Variants in TOM1L2 observed in about 807,000 individuals in gnomAD.
The protein encoded by TOM1L2 is TOM1-like protein 2.
TOM1L2 carries 31 observed loss-of-function variants against 67.9 expected under a neutral mutation model. That is an observed-to-expected ratio of 0.46 (90% CI 0.34 to 0.62). The LOEUF (loss-of-function observed/expected upper bound fraction) is 0.62. TOM1L2 is among the 20% of genes least tolerant of loss of function. The pLI, the probability that TOM1L2 is intolerant of heterozygous loss-of-function variation, is 0.01. For missense variants in TOM1L2, 606 were observed against 663.5 expected, an observed-to-expected ratio of 0.91 and a Z score of 0.95; for synonymous variants, 256 against 254.0, an observed-to-expected ratio of 1.01 and a Z score of -0.07.
chr17:17,904,958 G>C (rs1439640761), intron 2 of TOM1L2, among the ~76,000 whole-genome samples: 2 of 152,180 alleles, frequency 1.3e-5, no homozygotes, highest in Non-Finnish European at 2.9e-5. Context: ...TCAAGGGCAG[G>C]CTGGAACATT....
intron 2 of TOM1L2, among the ~76,000 whole-genome samples, chr17:17,900,728 T>A (rs1206760915): frequency 1.3e-5 from 2 of 152,184 alleles, no homozygotes; most frequent in Non-Finnish European, 2.9e-5. Flanking sequence ...GCCAAGTATG[T>A]CTGCAGTACG....
At chr17:17,912,678 C>A (rs1308436866) in intron 1 of TOM1L2, among the ~76,000 whole-genome samples, 1 of 150,902 alleles carries the variant, frequency 6.6e-6, no homozygotes, top group South Asian at 2.1e-4. Context: ...GGCGGCCGGA[C>A]GGAGACGCTC....
intron 3 of TOM1L2, among the ~76,000 whole-genome samples, chr17:17,898,309 C>T (rs1162777388): frequency 2.6e-5 from 4 of 152,178 alleles, no homozygotes; most frequent in Non-Finnish European, 5.9e-5. Context: ...AGGGACCCAC[C>T]CAAAACCTTT....
At chr17:17,946,097 C>G (rs1029672186) in intron 1 of TOM1L2, among the ~76,000 whole-genome samples, 10 of 151,968 alleles carry the variant, frequency 6.6e-5, no homozygotes, top group Non-Finnish European at 1.5e-4. Context: ...AGGCTGGTCT[C>G]CAACCCCTGG....
intron 14 of TOM1L2, 87 bp from the exon 15 acceptor site, chr17:17,847,870 TC>T: frequency 6.3e-7 from 1 of 1,581,496 alleles, no homozygotes; most frequent in Non-Finnish European, 8.6e-7. Context: ...GCCCGTTTCC[TC>T]CTCTAGGGCA....
intron 7 of TOM1L2, among the ~76,000 whole-genome samples, chr17:17,870,586 G>A (rs1316490926): frequency 6.6e-6 from 1 of 152,198 alleles, no homozygotes; most frequent in Non-Finnish European, 1.5e-5. Context: ...TGAAGGATAA[G>A]TCTCTCCTTC....
At chr17:17,926,457 A>C (rs2040088856) in intron 1 of TOM1L2, among the ~76,000 whole-genome samples, 1 of 152,138 alleles carries the variant, frequency 6.6e-6, no homozygotes, top group Admixed American at 6.6e-5. Flanking sequence ...TCACATTCCA[A>C]AGCCAAATAC....
chr17:17,882,697 G>A lies in TOM1L2; in HGVS notation c.660+8C>T, dbSNP rs373811909. 121 of 1,613,482 alleles carry A rather than the reference G, an allele frequency of 7.5e-5. No homozygotes were observed. The highest frequency in any genetic ancestry group is 9.1e-5 in the Non-Finnish European group (107 of 1,179,540). ...TGGCTTGCCTATGGCCCCGAAGTAT[G>A]CAAGTACCTGTTCTGAATTGGCTGT... On this transcript the variant is annotated splice_region_variant and intron_variant, in intron 6 of 14. Coordinates refer to ENST00000379504, the MANE Select transcript of TOM1L2 (RefSeq NM_001082968.2).
intron 1 of TOM1L2, among the ~76,000 whole-genome samples, chr17:17,940,420 G>A (rs77322052): frequency 0.011 from 1,711 of 152,136 alleles, 42 homozygotes; most frequent in African/African-American, 0.038. Context: ...TGTCCAAAAA[G>A]TCATGCTGCC....
At chr17:17,914,038 G>A (rs1355952869) in intron 1 of TOM1L2, among the ~76,000 whole-genome samples, 1 of 152,202 alleles carries the variant, frequency 6.6e-6, no homozygotes, top group Non-Finnish European at 1.5e-5. Flanking sequence ...AGGCCCGCAG[G>A]CAAAGCTGCT....
chr17:17,862,746 G>A lies in TOM1L2; in HGVS notation c.1187C>T (p.Ala396Val). 2 of 1,613,506 alleles carry A rather than the reference G, an allele frequency of 1.2e-6. No homozygotes were observed. The highest frequency in any genetic ancestry group is 1.8e-4 in the Middle Eastern group (1 of 5,500). ...MFAQTRGNSL[A>V]EQRKTVTYED... Reference sequence around the variant, plus strand: ...CCCCACATACGTCTTGCGCTGCTCAGCCAAGGAGTTTCCTCTCGTCTGGGC... The same window carrying A: ...CCCCACATACGTCTTGCGCTGCTCAACCAAGGAGTTTCCTCTCGTCTGGGC... The change falls in exon 11 of 15, where the codon GCT becomes GTT. Residue 396 changes from alanine to valine, a missense_variant. By Grantham distance (64) the Ala-to-Val change is moderately conservative. Transcript: ENST00000379504.
At chr17:17,861,416 C>A (rs2036552712) in intron 12 of TOM1L2, 60 bp downstream of exon 12, 1 of 1,556,678 alleles carries the variant, frequency 6.4e-7, no homozygotes, top group African/African-American at 1.4e-5. Flanking sequence ...CCAGCTTTGC[C>A]AAACCACCTG....
chr17:17,936,355 C>G (rs1285802104), intron 1 of TOM1L2, among the ~76,000 whole-genome samples: 1 of 152,166 alleles, frequency 6.6e-6, no homozygotes, highest in African/African-American at 2.4e-5. Flanking sequence ...ACACTAGTGC[C>G]CCTGCCCCAA....
At chr17:17,878,017 A>C (rs1310525402) in intron 7 of TOM1L2, among the ~76,000 whole-genome samples, 2 of 152,198 alleles carry the variant, frequency 1.3e-5, no homozygotes, top group Non-Finnish European at 2.9e-5. Context: ...CTCTATCCAG[A>C]GCAAATCCCC....
chr17:17,971,027 T>C (rs1354864470), intron 1 of TOM1L2, among the ~76,000 whole-genome samples: 1 of 152,172 alleles, frequency 6.6e-6, no homozygotes, highest in Non-Finnish European at 1.5e-5. Flanking sequence ...TCAGTATTCC[T>C]TTACCTACAC....
intron 12 of TOM1L2, among the ~76,000 whole-genome samples, chr17:17,854,814 G>A (rs1568059359): frequency 6.6e-6 from 1 of 152,038 alleles, no homozygotes; most frequent in Non-Finnish European, 1.5e-5. Flanking sequence ...GATTACAGAT[G>A]TGAGCCACTG....
rs553809541 is a variant in TOM1L2 at position 17,936,537 on chromosome 17, T to C, written c.53-29006A>G. On this transcript the variant is annotated intron_variant, in intron 1 of 14. Coordinates refer to ENST00000379504, the MANE Select transcript of TOM1L2 (RefSeq NM_001082968.2). ...AAATGCAAAGATATAAGCCCTAAGATGTTTATCACTGCATTAATTATAATA... is the reference window on the plus strand; with the variant it reads ...AAATGCAAAGATATAAGCCCTAAGACGTTTATCACTGCATTAATTATAATA... Among the ~76,000 whole-genome samples the C allele has an allele frequency of 9.9e-5, 15 of 152,208 alleles. No homozygotes were observed. In the South Asian group the frequency reaches 2.7e-3, roughly 27 times the overall value.
intron 6 of TOM1L2, 74 bp from the exon 7 acceptor site, chr17:17,879,817 T>C (rs753540800): frequency 5.6e-6 from 7 of 1,258,480 alleles, no homozygotes; most frequent in Non-Finnish European, 8.2e-6. Context: ...CAGAATCAGC[T>C]TGCTCCTAGT....
intron 10 of TOM1L2, among the ~76,000 whole-genome samples, 183 bp from the exon 11 acceptor site, chr17:17,863,031 G>A (rs1484827550): frequency 6.6e-6 from 1 of 152,128 alleles, no homozygotes; most frequent in Non-Finnish European, 1.5e-5. Context: ...GCCAGATGGG[G>A]GACAGAACAG....
Sources: gnomAD v4.1 joint callset for allele counts (sites outside exome capture counted in the v4.1 genomes callset) on GRCh38, gnomAD v4.1.1 for gene constraint, MANE v1.5 for transcripts, NCBI Gene and HGNC (gene_info 2026-07-23, HGNC 2026-07-21) for gene names.